Variants in RAB7A observed in about 807,000 individuals in gnomAD.
The protein encoded by RAB7A is ras-related protein Rab-7a.
RAB7A carries 2 observed loss-of-function variants against 24.5 expected under a neutral mutation model. The observed-to-expected ratio is 0.08, with a 90% CI of 0.03 to 0.26. RAB7A has a LOEUF of 0.26. Among genes scored for constraint, RAB7A ranks in the 10% least tolerant of loss-of-function variants. RAB7A has a pLI of 1.00. For missense variants in RAB7A, 118 were observed against 255.7 expected, an observed-to-expected ratio of 0.46 and a Z score of 3.67; for synonymous variants, 100 against 95.9, an observed-to-expected ratio of 1.04 and a Z score of -0.25.
intron 1 of RAB7A, among the ~76,000 whole-genome samples, chr3:128,791,775 T>C (rs550508083): frequency 1.2e-4 from 19 of 152,284 alleles, no homozygotes. Flanking sequence ...ACCCCCAGGA[T>C]TGAGCATTCT....
chr3:128,731,027 A>C (rs1175851706), intron 1 of RAB7A, among the ~76,000 whole-genome samples: 1 of 152,178 alleles, frequency 6.6e-6, no homozygotes, highest in African/African-American at 2.4e-5. Context: ...CTGCCAGATA[A>C]AGGAAAGGAA....
intron 3 of RAB7A, among the ~76,000 whole-genome samples, chr3:128,800,598 A>G (rs1009148898): frequency 2.0e-5 from 3 of 151,620 alleles, no homozygotes; most frequent in Admixed American, 2.0e-4. Context: ...ATGAAACTAA[A>G]AAAGAAAAAG....
At chr3:128,773,632 G>A (rs1030996443) in intron 1 of RAB7A, among the ~76,000 whole-genome samples, 5 of 152,364 alleles carry the variant, frequency 3.3e-5, no homozygotes. Flanking sequence ...TGACGATGGC[G>A]GTTTTGCAGA....
chr3:128,812,766 C>T (rs779348591), intron 5 of RAB7A, among the ~76,000 whole-genome samples: 22 of 152,128 alleles, frequency 1.4e-4, no homozygotes, highest in Non-Finnish European at 1.2e-4. Flanking sequence ...TCTGCTAAAC[C>T]TTTGGAAGAA....
At chr3:128,795,013 G>GA (rs935105976) in intron 1 of RAB7A, among the ~76,000 whole-genome samples, 3 of 152,132 alleles carry the variant, frequency 2.0e-5, no homozygotes, top group Admixed American at 2.0e-4. Context: ...AAGTGATACT[G>GA]AAGCAGCGAC....
intron 4 of RAB7A, 114 bp from the exon 5 acceptor site, chr3:128,807,429 G>A (rs1933828139): frequency 6.7e-7 from 1 of 1,492,974 alleles, no homozygotes; most frequent in Admixed American, 1.7e-5. Context: ...CCCCATGTCT[G>A]TGTCCTCACC....
chr3:128,792,594 G>A (rs1203020639), intron 1 of RAB7A, among the ~76,000 whole-genome samples: 1 of 150,782 alleles, frequency 6.6e-6, no homozygotes, highest in Non-Finnish European at 1.5e-5. Flanking sequence ...ATTTAGTAGA[G>A]ATGGAGTTTC....
intron 3 of RAB7A, among the ~76,000 whole-genome samples, chr3:128,806,145 A>G (rs1933798556): frequency 6.6e-6 from 1 of 152,164 alleles, no homozygotes. Flanking sequence ...CACCCTGGAG[A>G]TTGGACTCAA....
At chr3:128,736,899 G>A (rs902313729) in intron 1 of RAB7A, among the ~76,000 whole-genome samples, 1 of 152,084 alleles carries the variant, frequency 6.6e-6, no homozygotes, top group South Asian at 2.1e-4. Flanking sequence ...ATATGTAATA[G>A]CTATTGGGGG....
At chr3:128,799,410 C>G (rs1381402703) in intron 3 of RAB7A, among the ~76,000 whole-genome samples, 3 of 152,162 alleles carry the variant, frequency 2.0e-5, no homozygotes, top group African/African-American at 7.2e-5. Context: ...GGCAGTTGTT[C>G]TTTCCTATGT....
intron 5 of RAB7A, among the ~76,000 whole-genome samples, chr3:128,811,864 A>G (rs1933934953): frequency 6.6e-6 from 1 of 152,106 alleles, no homozygotes; most frequent in Admixed American, 6.6e-5. Flanking sequence ...AAAAAAAAGA[A>G]AGAAATCACA....
At chr3:128,793,020 T>C (rs1390864205) in intron 1 of RAB7A, among the ~76,000 whole-genome samples, 1 of 151,050 alleles carries the variant, frequency 6.6e-6, no homozygotes, top group Non-Finnish European at 1.5e-5. Context: ...CCAGCTAATT[T>C]TGTTTTGTTT....
At chr3:128,740,383 A>G (rs2070540589) in intron 1 of RAB7A, among the ~76,000 whole-genome samples, 1 of 152,190 alleles carries the variant, frequency 6.6e-6, no homozygotes, top group South Asian at 2.1e-4. Context: ...AGTATTTAAT[A>G]TTTATATTTT....
Position 128,726,271 on chromosome 3 carries a change from C to G in RAB7A, c.-97C>G, listed in dbSNP as rs141622970. The G allele has an allele frequency of 0.014, 2,102 of 153,076 alleles. 45 individuals carry two copies. The highest frequency in any genetic ancestry group is 0.048 in the African/African-American group (1,988 of 41,574). 9.5% of individuals were successfully genotyped at this position (153,076 alleles called of 1,614,324 possible). A position where few individuals can be genotyped will look rare whatever the true frequency, so the allele number is the denominator to read the frequency against. On this transcript the variant is annotated 5_prime_UTR_variant, in exon 1 of 6. Coordinates refer to ENST00000265062, the MANE Select transcript of RAB7A (RefSeq NM_004637.6). ...GAGTTCCCTGGAACCAGAACTTGGA[C>G]CTTCTCGCTTCTGTCCTCCGTTTAG...
chr3:128,746,572 A>C (rs1181697535), intron 1 of RAB7A, among the ~76,000 whole-genome samples: 1 of 151,598 alleles, frequency 6.6e-6, no homozygotes, highest in Non-Finnish European at 1.5e-5. Context: ...TCTGTCTCCC[A>C]GGCTGGAGTG....
chr3:128,734,290 G>T (rs2107582671), intron 1 of RAB7A, among the ~76,000 whole-genome samples: 1 of 151,890 alleles, frequency 6.6e-6, no homozygotes, highest in East Asian at 1.9e-4. Context: ...AATTAGCCAG[G>T]CGTGGTGGTG....
chr3:128,805,405 T>A (rs1047289507), intron 3 of RAB7A, among the ~76,000 whole-genome samples: 2 of 152,184 alleles, frequency 1.3e-5, no homozygotes, highest in African/African-American at 4.8e-5. Context: ...CGTCCGGCTC[T>A]GTTTGAGTGC....
chr3:128,793,947 A>G (rs1342890388), intron 1 of RAB7A, among the ~76,000 whole-genome samples: 1 of 152,180 alleles, frequency 6.6e-6, no homozygotes, highest in Non-Finnish European at 1.5e-5. Context: ...CTATTCCCAT[A>G]CTGTTCTTGT....
intron 1 of RAB7A, among the ~76,000 whole-genome samples, chr3:128,736,808 T>A (rs2070493801): frequency 1.3e-5 from 2 of 152,122 alleles, no homozygotes; most frequent in Admixed American, 6.5e-5. Flanking sequence ...AGGAATCAAG[T>A]GTGATCCTAC....
Sources: gnomAD v4.1 joint callset for allele counts (sites outside exome capture counted in the v4.1 genomes callset) on GRCh38, gnomAD v4.1.1 for gene constraint, MANE v1.5 for transcripts, NCBI Gene and HGNC (gene_info 2026-07-23, HGNC 2026-07-21) for gene names.